Variants in GRIK2 observed in about 807,000 individuals in gnomAD.
GRIK2 encodes glutamate ionotropic receptor kainate type subunit 2, also known as glutamate receptor ionotropic, kainate 2.
A neutral mutation model predicts 100.3 loss-of-function variants in GRIK2; 32 were observed. The observed-to-expected ratio is 0.32, with a 90% CI of 0.24 to 0.43. The LOEUF (loss-of-function observed/expected upper bound fraction) is 0.43, where lower values mean the gene tolerates loss of function less well. Ranked by LOEUF, GRIK2 falls within the 20% of genes least tolerant of loss-of-function variation. GRIK2 has a pLI of 1.00. For synonymous variants in GRIK2, 417 were observed against 389.4 expected, an observed-to-expected ratio of 1.07 and a Z score of -0.83; for missense variants, 843 against 1,114.9, an observed-to-expected ratio of 0.76 and a Z score of 3.47.
intron 7 of GRIK2, among the ~76,000 whole-genome samples, chr6:101,694,061 A>G (rs1394450815): frequency 6.6e-6 from 1 of 152,140 alleles, no homozygotes; most frequent in African/African-American, 2.4e-5. Flanking sequence ...TGACAAGAGC[A>G]TGAAGTCCAA....
Position 102,053,917 on chromosome 6 carries a change from G to A in GRIK2, c.2312-1413G>A, listed in dbSNP as rs547237122. Among the ~76,000 whole-genome samples the A allele has an allele frequency of 4.4e-4, 67 of 152,256 alleles. 1 individual carries two copies. Among genetic ancestry groups the A allele is most frequent in the Admixed American group, 2.9e-3 (44 of 15,282 alleles). On this transcript the variant is annotated intron_variant, in intron 15 of 16. Transcript: ENST00000369134. The stretch of plus-strand genomic sequence containing the variant: ...GGGCTAATATATTGAAATCTGAAGT[G>A]GTTAAGGGGCAGAATTTACACTGCA...
intron 2 of GRIK2, among the ~76,000 whole-genome samples, chr6:101,510,405 T>A (rs1774238659): frequency 6.6e-6 from 1 of 152,154 alleles, no homozygotes; most frequent in African/African-American, 2.4e-5. Flanking sequence ...CTTAAGGTTT[T>A]CTGAAACTGC....
intron 2 of GRIK2, among the ~76,000 whole-genome samples, chr6:101,568,092 GAA>G (rs937251346): frequency 1.3e-5 from 2 of 151,632 alleles, no homozygotes; most frequent in Admixed American, 1.3e-4. Flanking sequence ...CTTAGTAAAT[GAA>G]AAAAAGAAGT....
At chr6:102,023,049 G>A (rs1218171029) in intron 14 of GRIK2, among the ~76,000 whole-genome samples, 1 of 151,480 alleles carries the variant, frequency 6.6e-6, no homozygotes. Context: ...GAGTGGTTAA[G>A]AGAATGGCAT....
At chr6:101,508,944 A>C (rs1013826212) in intron 2 of GRIK2, among the ~76,000 whole-genome samples, 1 of 152,094 alleles carries the variant, frequency 6.6e-6, no homozygotes, top group Non-Finnish European at 1.5e-5. Context: ...TCATGAGGGC[A>C]GGAGATCGAG....
intron 7 of GRIK2, among the ~76,000 whole-genome samples, chr6:101,712,118 A>G (rs1773759588): frequency 6.6e-6 from 1 of 151,842 alleles, no homozygotes; most frequent in African/African-American, 2.4e-5. Context: ...AATTTAAAAG[A>G]TATTTGAAAT....
chr6:101,605,985 A>G (rs1161176896), intron 2 of GRIK2, among the ~76,000 whole-genome samples: 1 of 152,070 alleles, frequency 6.6e-6, no homozygotes, highest in African/African-American at 2.4e-5. Flanking sequence ...CAAGAAAGGC[A>G]GTAGGCTGAC....
At chr6:101,691,769 C>T (rs917556151) in intron 7 of GRIK2, among the ~76,000 whole-genome samples, 1 of 152,060 alleles carries the variant, frequency 6.6e-6, no homozygotes, top group Non-Finnish European at 1.5e-5. Context: ...AGACCCCAGA[C>T]TTTATAATTT....
At chr6:101,608,448 G>T (rs190704575) in intron 2 of GRIK2, among the ~76,000 whole-genome samples, 2 of 151,860 alleles carry the variant, frequency 1.3e-5, no homozygotes, top group Admixed American at 1.3e-4. Context: ...GTTATTTCTA[G>T]TAAAATTTGT....
At chr6:101,522,681 G>C (rs1444930313) in intron 2 of GRIK2, among the ~76,000 whole-genome samples, 2 of 152,020 alleles carry the variant, frequency 1.3e-5, no homozygotes, top group Non-Finnish European at 2.9e-5. Context: ...ACATTTTCTT[G>C]TCTTTTTTTG....
chr6:101,772,258 A>G (rs1217799663), intron 7 of GRIK2, among the ~76,000 whole-genome samples: 2 of 152,208 alleles, frequency 1.3e-5, no homozygotes, highest in African/African-American at 4.8e-5. Flanking sequence ...TTAACTAATG[A>G]GCTGAGCTTG....
intron 7 of GRIK2, among the ~76,000 whole-genome samples, chr6:101,713,018 A>G (rs1277811257): frequency 6.6e-6 from 1 of 151,804 alleles, no homozygotes; most frequent in East Asian, 1.9e-4. Flanking sequence ...GATCAGAAAA[A>G]AACTCTAATT....
chr6:101,894,753 C>T (rs759232546), intron 12 of GRIK2, among the ~76,000 whole-genome samples: 16 of 151,568 alleles, frequency 1.1e-4, no homozygotes, highest in Non-Finnish European at 2.1e-4. Context: ...TATAAAATGA[C>T]TCCATTAAAA....
intron 2 of GRIK2, among the ~76,000 whole-genome samples, chr6:101,566,968 G>A (rs936134020): frequency 2.0e-5 from 3 of 150,428 alleles, no homozygotes; most frequent in African/African-American, 7.3e-5. Context: ...ATTTATATAT[G>A]TATATATGAC....
At chr6:102,047,262 G>A (rs1770941829) in intron 15 of GRIK2, among the ~76,000 whole-genome samples, 1 of 151,832 alleles carries the variant, frequency 6.6e-6, no homozygotes, top group Admixed American at 6.6e-5. Flanking sequence ...AAACCCAATA[G>A]TCACTTCTTT....
intron 14 of GRIK2, among the ~76,000 whole-genome samples, chr6:102,008,764 G>C (rs898645935): frequency 6.6e-6 from 1 of 152,096 alleles, no homozygotes; most frequent in African/African-American, 2.4e-5. Context: ...CTCACTGAAA[G>C]TGAGTGCTTC....
intron 2 of GRIK2, among the ~76,000 whole-genome samples, chr6:101,542,200 T>C (rs892695888): frequency 6.6e-6 from 1 of 151,902 alleles, no homozygotes; most frequent in Admixed American, 6.6e-5. Flanking sequence ...GAACTAATCA[T>C]AGTTTATAAT....
intron 11 of GRIK2, among the ~76,000 whole-genome samples, chr6:101,878,092 A>G (rs1030134042): frequency 7.1e-6 from 1 of 140,294 alleles, no homozygotes; most frequent in African/African-American, 2.8e-5. Context: ...ATATTATATT[A>G]TATTATATTA....
intron 4 of GRIK2, among the ~76,000 whole-genome samples, chr6:101,666,860 A>C (rs995422617): frequency 3.3e-5 from 5 of 152,156 alleles, no homozygotes; most frequent in Admixed American, 2.0e-4. Context: ...GTTGAGACAC[A>C]TATATACCAT....
Sources: allele counts gnomAD v4.1 joint callset (sites outside exome capture counted in the v4.1 genomes callset), GRCh38; gene constraint gnomAD v4.1.1; transcripts MANE v1.5; gene names NCBI Gene and HGNC (gene_info 2026-07-23, HGNC 2026-07-21).